The following PEBP4 variants were observed in gnomAD, a reference collection of about 807,000 sequenced individuals.
PEBP4 encodes the protein phosphatidylethanolamine binding protein 4.
Under a neutral mutation model 23.9 loss-of-function variants are expected in PEBP4, and 22 were observed. The observed-to-expected ratio is 0.92, with a 90% CI of 0.66 to 1.31. The LOEUF is 1.31. PEBP4 is among the 40% of genes most tolerant of loss of function. The pLI, the probability that PEBP4 is intolerant of heterozygous loss-of-function variation, is 0.00. For synonymous variants in PEBP4, 112 were observed against 99.3 expected, an observed-to-expected ratio of 1.13 and a Z score of -0.76; for missense variants, 324 against 281.7, an observed-to-expected ratio of 1.15 and a Z score of -1.07.
At chr8:22,925,281 T>A (rs1486341383) in intron 2 of PEBP4, 1 of 985,314 alleles carries the variant, frequency 1.0e-6, no homozygotes, top group Non-Finnish European at 1.2e-6. Flanking sequence ...CCTGCTGGTG[T>A]ATTCTGGGAG....
At chr8:22,878,326 C>T (rs17088676) in intron 3 of PEBP4, among the ~76,000 whole-genome samples, 3,958 of 152,002 alleles carry the variant, frequency 0.026, 150 homozygotes, top group African/African-American at 0.091. Context: ...GGGGCCTCTA[C>T]GGAAAACACA....
intron 3 of PEBP4, among the ~76,000 whole-genome samples, chr8:22,846,426 T>C (rs2128766564): frequency 6.6e-6 from 1 of 152,252 alleles, no homozygotes; most frequent in Middle Eastern, 3.4e-3. Context: ...GTGGCCTTGG[T>C]CAAGCCATCA....
At chr8:22,757,868 C>G (rs1409499050) in intron 4 of PEBP4, 1 of 152,256 alleles carries the variant, frequency 6.6e-6, no homozygotes, top group Non-Finnish European at 1.5e-5. Context: ...ACCCGGCCAC[C>G]TGCAGCCCTG....
chr8:22,764,192 T>G (rs1805564773), intron 4 of PEBP4, among the ~76,000 whole-genome samples: 1 of 152,194 alleles, frequency 6.6e-6, no homozygotes, highest in Non-Finnish European at 1.5e-5. Context: ...AGATTGGGAT[T>G]CTATTGGGTT....
At chr8:22,876,623 T>C (rs1585318746) in intron 3 of PEBP4, among the ~76,000 whole-genome samples, 3 of 152,230 alleles carry the variant, frequency 2.0e-5, no homozygotes, top group Admixed American at 2.0e-4. Flanking sequence ...CAGGGGCACC[T>C]CACAAACGTG....
chr8:22,808,009 CACCT>C (rs1404339965), intron 4 of PEBP4, among the ~76,000 whole-genome samples: 2 of 152,062 alleles, frequency 1.3e-5, no homozygotes. Context: ...TTCATCCATC[CACCT>C]ACCTACCTAA....
chr8:22,790,337 T>C (rs17088625), intron 4 of PEBP4, among the ~76,000 whole-genome samples: 58,020 of 151,994 alleles, frequency 0.38, 11,384 homozygotes, highest in Middle Eastern at 0.48. Context: ...CCTCAGGCCA[T>C]GTGGAAGCAC....
In PEBP4 at chr8:22,811,653, T is replaced by C. The variant is rs571229225; in HGVS notation, c.357+5984A>G. 1.1e-4 allele frequency among the ~76,000 whole-genome samples: 16 copies of C among 152,296 alleles called. No homozygotes were observed. In the South Asian group the frequency reaches 2.5e-3, roughly 24 times the overall value. On this transcript the variant is annotated intron_variant, in intron 4 of 6. Coordinates refer to ENST00000256404, the MANE Select transcript of PEBP4 (RefSeq NM_144962.3). ...CACCTGGGCTGTGGCCTGGGACGGCTCCAGGGAGTCTGCTCTGGTTCAGGA... is the reference window on the plus strand; with the variant it reads ...CACCTGGGCTGTGGCCTGGGACGGCCCCAGGGAGTCTGCTCTGGTTCAGGA...
chr8:22,851,783 G>A (rs1385798855), intron 3 of PEBP4, among the ~76,000 whole-genome samples: 6 of 152,138 alleles, frequency 3.9e-5, no homozygotes, highest in Admixed American at 3.9e-4. Context: ...TGTCAGCCCT[G>A]ATAATTGAAT....
At chr8:22,913,656 T>C (rs1407621226) in intron 3 of PEBP4, among the ~76,000 whole-genome samples, 4 of 152,146 alleles carry the variant, frequency 2.6e-5, no homozygotes, top group Non-Finnish European at 5.9e-5. Context: ...CCAGGTCCCA[T>C]TGGCTCCAAA....
At chr8:22,856,515 G>C (rs1041247376) in intron 3 of PEBP4, among the ~76,000 whole-genome samples, 2 of 152,154 alleles carry the variant, frequency 1.3e-5, no homozygotes, top group Non-Finnish European at 2.9e-5. Flanking sequence ...CCAGGAGCTC[G>C]AGACGGGCCA....
intron 3 of PEBP4, among the ~76,000 whole-genome samples, chr8:22,903,732 G>A (rs1808753899): frequency 6.6e-6 from 1 of 152,256 alleles, no homozygotes; most frequent in East Asian, 1.9e-4. Context: ...AGAGCTCCGA[G>A]AAGCATTCGC....
intron 4 of PEBP4, among the ~76,000 whole-genome samples, chr8:22,764,278 CT>C (rs533143197): frequency 8.3e-4 from 127 of 152,248 alleles, no homozygotes; most frequent in African/African-American, 2.9e-3. Flanking sequence ...ACCCTCTATC[CT>C]GAAAAAATGG....
At chr8:22,791,204 A>C (rs1187162439) in intron 4 of PEBP4, among the ~76,000 whole-genome samples, 1 of 152,134 alleles carries the variant, frequency 6.6e-6, no homozygotes, top group Non-Finnish European at 1.5e-5. Context: ...AGGGGCTGCC[A>C]TATCTAGTGG....
At chr8:22,932,012 T>A (rs1045633044), upstream of PEBP4, among the ~76,000 whole-genome samples, 1 of 152,230 alleles carries the variant, frequency 6.6e-6, no homozygotes, top group African/African-American at 2.4e-5. Context: ...AGTCCAGTAA[T>A]CTGGCTACTC....
intron 4 of PEBP4, among the ~76,000 whole-genome samples, chr8:22,770,407 C>T (rs1026070527): frequency 6.6e-6 from 1 of 152,270 alleles, no homozygotes; most frequent in African/African-American, 2.4e-5. Context: ...TTCTCAAATG[C>T]TGTGTGTTCG....
At chr8:22,800,742 G>C (rs1380749741) in intron 4 of PEBP4, among the ~76,000 whole-genome samples, 1 of 152,156 alleles carries the variant, frequency 6.6e-6, no homozygotes, top group Non-Finnish European at 1.5e-5. Flanking sequence ...ATGATACCCA[G>C]AGCTGAGTGT....
chr8:22,810,908 GA>G (rs1431191397), intron 4 of PEBP4, among the ~76,000 whole-genome samples: 1 of 148,566 alleles, frequency 6.7e-6, no homozygotes, highest in Non-Finnish European at 1.5e-5. Context: ...GAGAGAGAGA[GA>G]GAGAGAAACC....
At chr8:22,838,672 G>A (rs539596726) in intron 3 of PEBP4, among the ~76,000 whole-genome samples, 13 of 152,404 alleles carry the variant, frequency 8.5e-5, no homozygotes, top group South Asian at 2.1e-4. Context: ...AAGCCTCGGC[G>A]GTGAAGCCAG....
Sources: gnomAD v4.1 joint callset for allele counts (sites outside exome capture counted in the v4.1 genomes callset) on GRCh38, gnomAD v4.1.1 for gene constraint, MANE v1.5 for transcripts, NCBI Gene and HGNC (gene_info 2026-07-23, HGNC 2026-07-21) for gene names.